STPG1: variants seen among roughly 807,000 people sequenced by gnomAD.
STPG1 encodes sperm tail PG-rich repeat containing 1.
In STPG1, 33 loss-of-function variants were observed where a neutral mutation model predicts 40.1. That is an observed-to-expected ratio of 0.82 (90% CI 0.62 to 1.10). The LOEUF (loss-of-function observed/expected upper bound fraction) is 1.10. Ranked by LOEUF, STPG1 falls within the 50% of genes least tolerant of loss-of-function variation. The pLI is 0.00. For missense variants in STPG1, 396 were observed against 415.1 expected (o/e 0.95, Z 0.40); for synonymous variants, 150 against 155.0 (o/e 0.97, Z 0.24).
Position 24,399,794 on chromosome 1 carries a change from A to C in STPG1, c.70+1525T>G. On this transcript the variant is annotated intron_variant, in intron 2 of 8. Transcript: ENST00000337248. The surrounding 1 kb of genome is among the most constrained non-coding windows in gnomAD (Gnocchi z 4.0). ...GAACAGTCACTTCTCCAAAGAGAATATCCAAAAGGCCAGTCAACATGAAAA... is the reference window on the plus strand; with the variant it reads ...GAACAGTCACTTCTCCAAAGAGAATCTCCAAAAGGCCAGTCAACATGAAAA... 6.6e-6 allele frequency among the ~76,000 whole-genome samples: 1 copy of C among 152,224 alleles called. No homozygotes were observed. The highest frequency in any genetic ancestry group is 1.5e-5 in the Non-Finnish European group (1 of 68,034).
chr1:24,368,070 G>C (rs966452112), intron 7 of STPG1, among the ~76,000 whole-genome samples: 2 of 152,206 alleles, frequency 1.3e-5, no homozygotes, highest in South Asian at 4.2e-4. Context: ...TCTCTGGAGA[G>C]AGACTTTCCA....
chr1:24,389,917 G>C (rs1642689281), intron 3 of STPG1, among the ~76,000 whole-genome samples: 1 of 152,164 alleles, frequency 6.6e-6, no homozygotes, highest in South Asian at 2.1e-4. Flanking sequence ...TTTATTATTT[G>C]CTTTCTTAGA....
At chr1:24,407,086 T>A (rs1643442661) in intron 1 of STPG1, among the ~76,000 whole-genome samples, 1 of 152,192 alleles carries the variant, frequency 6.6e-6, no homozygotes, top group South Asian at 2.1e-4. Context: ...TTCCCTGCAA[T>A]CCCTGGCAAC....
chr1:24,370,552 C>T (rs796652128), intron 6 of STPG1, among the ~76,000 whole-genome samples: 50 of 152,112 alleles, frequency 3.3e-4, no homozygotes, highest in African/African-American at 1.1e-3. Context: ...AGTGCAGTGG[C>T]GTGATCTCAG....
upstream of STPG1, chr1:24,414,528 A>G (rs1303823639): frequency 7.1e-6 from 1 of 141,296 alleles, no homozygotes; most frequent in African/African-American, 2.7e-5. Context: ...GGTGAAATCC[A>G]AGCTTTTTTT....
At chr1:24,366,655 G>A (rs917119071) in intron 7 of STPG1, among the ~76,000 whole-genome samples, 1 of 152,134 alleles carries the variant, frequency 6.6e-6, no homozygotes, top group African/African-American at 2.4e-5. Context: ...CTGGCTCCAC[G>A]TTCGTTGTCC....
chr1:24,401,314 T>TG lies in STPG1; in HGVS notation c.70+4dup. 6.2e-7 allele frequency: 1 copy of TG among 1,613,890 alleles called. No homozygotes were observed. The highest frequency in any genetic ancestry group is 8.5e-7 in the Non-Finnish European group (1 of 1,179,820). The stretch of plus-strand genomic sequence containing the variant: ...GCTATCTCCTCCCTGCAAAGACACA[T>TG]GTACCTTTCTGTACTTCACTGGCAC... On this transcript the variant is annotated splice_donor_region_variant and intron_variant, in intron 2 of 8. Transcript: ENST00000337248.
intron 1 of STPG1, among the ~76,000 whole-genome samples, chr1:24,408,874 CTTACT>C (rs1417599120): frequency 6.6e-6 from 1 of 152,078 alleles, no homozygotes; most frequent in African/African-American, 2.4e-5. Context: ...AGTATTTTTC[CTTACT>C]TTATTCTGTA....
chr1:24,388,515 G>A (rs1456940385), intron 3 of STPG1, among the ~76,000 whole-genome samples: 2 of 152,204 alleles, frequency 1.3e-5, no homozygotes, highest in Non-Finnish European at 2.9e-5. Flanking sequence ...AATGTGAGCT[G>A]GGCAAGGAGA....
intron 3 of STPG1, among the ~76,000 whole-genome samples, chr1:24,384,831 G>A (rs770390803): frequency 5.9e-5 from 9 of 152,176 alleles, no homozygotes; most frequent in African/African-American, 1.2e-4. Context: ...ACTGTCCCCC[G>A]TTGATAAATG....
At chr1:24,375,362 A>G (rs1228837622) in intron 5 of STPG1, among the ~76,000 whole-genome samples, 2 of 152,076 alleles carry the variant, frequency 1.3e-5, no homozygotes, top group African/African-American at 4.8e-5. Flanking sequence ...GGATGGTTTG[A>G]TTTGCTGTGA....
At chr1:24,414,677 G>A (rs1046588746), upstream of STPG1, 3 of 151,750 alleles carry the variant, frequency 2.0e-5, no homozygotes, top group African/African-American at 7.3e-5. Flanking sequence ...TGGGACCACG[G>A]GCGCTCGCCA....
Position 24,361,046 on chromosome 1 carries a change from G to A in STPG1, c.738-5C>T. 2 of 1,600,904 alleles carry A rather than the reference G, an allele frequency of 1.2e-6. No individual in the cohort carries two copies. Among genetic ancestry groups the A allele is most frequent in the Non-Finnish European group, 1.7e-6 (2 of 1,173,004 alleles). On this transcript the variant is annotated splice_polypyrimidine_tract_variant and splice_region_variant and intron_variant, in intron 7 of 8. Coordinates refer to ENST00000337248, the MANE Select transcript of STPG1 (RefSeq NM_001199013.2). ...AAGTTCAGGATGGGGTTTTTCCTTT[G>A]GGAAAGATAAAACGGGAAGATGTCA...
chr1:24,378,824 G>A (rs764677866), intron 5 of STPG1, among the ~76,000 whole-genome samples: 2 of 152,146 alleles, frequency 1.3e-5, no homozygotes, highest in Admixed American at 6.6e-5. Flanking sequence ...TTTCACGTTC[G>A]TTGCCTTATG....
chr1:24,381,219 C>T (rs1249507593), intron 4 of STPG1, among the ~76,000 whole-genome samples: 1 of 152,190 alleles, frequency 6.6e-6, no homozygotes, highest in Admixed American at 6.5e-5. Context: ...TAACAGCAAG[C>T]CCATTCAATC....
At chr1:24,374,605 CTTCA>C (rs1449737341) in intron 5 of STPG1, among the ~76,000 whole-genome samples, 1 of 150,304 alleles carries the variant, frequency 6.7e-6, no homozygotes, top group Non-Finnish European at 1.5e-5. Flanking sequence ...CGCAAATTAT[CTTCA>C]TTATTGTTGC....
intron 5 of STPG1, among the ~76,000 whole-genome samples, chr1:24,374,470 AG>A (rs983357136): frequency 6.6e-6 from 1 of 151,956 alleles, no homozygotes; most frequent in Non-Finnish European, 1.5e-5. Context: ...CATGTTAACC[AG>A]GATGGCCTCG....
At chr1:24,360,357 G>A (rs1010655550) in intron 8 of STPG1, among the ~76,000 whole-genome samples, 2 of 152,170 alleles carry the variant, frequency 1.3e-5, no homozygotes, top group Admixed American at 6.5e-5. Context: ...GCTGAGGCAT[G>A]AGAATTGCCT....
At chr1:24,373,292 G>A (rs2148689037) in intron 6 of STPG1, among the ~76,000 whole-genome samples, 1 of 152,334 alleles carries the variant, frequency 6.6e-6, no homozygotes, top group East Asian at 1.9e-4. Context: ...TAGCATAGGA[G>A]AAAATGAACG....
Sources: gnomAD v4.1 joint callset for allele counts (sites outside exome capture counted in the v4.1 genomes callset) on GRCh38, gnomAD v4.1.1 for gene constraint, Gnocchi (gnomAD v3.1) non-coding constraint, MANE v1.5 for transcripts, NCBI Gene and HGNC (gene_info 2026-07-23, HGNC 2026-07-21) for gene names.